The following TRPM8 variants were observed in gnomAD, a reference collection of about 807,000 sequenced individuals.
TRPM8 encodes the protein transient receptor potential cation channel subfamily M member 8, also known as TRPM8 cationic channel.
TRPM8 carries 110 observed loss-of-function variants against 133.7 expected under a neutral mutation model. The observed-to-expected ratio is 0.82, with a 90% CI of 0.70 to 0.96. The LOEUF (loss-of-function observed/expected upper bound fraction) is 0.96. Among genes scored for constraint, TRPM8 ranks in the 40% least tolerant of loss-of-function variants. The pLI is 0.00. For missense variants in TRPM8, 1,291 were observed against 1,379.5 expected (o/e 0.94, Z 1.02); for synonymous variants, 535 against 532.3 (o/e 1.01, Z -0.07).
chr2:233,992,976 A>G (rs1692318146), intron 21 of TRPM8, among the ~76,000 whole-genome samples: 1 of 152,212 alleles, frequency 6.6e-6, no homozygotes, highest in Non-Finnish European at 1.5e-5. Context: ...GCATCGCTCC[A>G]TTAGGAGCCC....
rs1302230947 is a variant in TRPM8 at position 233,989,452 on chromosome 2, A to G, written c.2939+3587A>G. On this transcript the variant is annotated intron_variant, in intron 21 of 25. Transcript: ENST00000324695. The surrounding 1 kb of genome is among the most constrained non-coding windows in gnomAD (Gnocchi z 4.2). ...GAACCTCCTCGATTAGCTCCGGCTT[A>G]AACCAGAGGCCTTTTCCTGGCTAAT... Among the ~76,000 whole-genome samples, 1 of 152,206 alleles carries G rather than the reference A, an allele frequency of 6.6e-6. No homozygotes were observed. Among genetic ancestry groups the G allele is most frequent in the Non-Finnish European group, 1.5e-5 (1 of 68,034 alleles).
chr2:233,985,954 A>G (rs574653799), intron 21 of TRPM8, 89 bp downstream of exon 21: 2 of 1,246,378 alleles, frequency 1.6e-6, no homozygotes, highest in East Asian at 5.1e-5. Context: ...CAAAGGTCCC[A>G]CCCTTGAGGA....
intron 20 of TRPM8, among the ~76,000 whole-genome samples, chr2:233,985,221 A>C (rs1052134141): frequency 3.9e-5 from 6 of 152,064 alleles, no homozygotes; most frequent in Admixed American, 2.0e-4. Flanking sequence ...TAGGCTCCCA[A>C]CCTCCCCATT....
At position 233,938,318 on chromosome 2, in the gene TRPM8, C is replaced by T. The variant is rs181556214; in HGVS notation, c.349-680C>T. On this transcript the variant is annotated intron_variant, in intron 4 of 25. Coordinates refer to ENST00000324695, the MANE Select transcript of TRPM8 (RefSeq NM_024080.5). ...CTCGCCTGTGGGGCTTTTCAGGGCCCGTGCAGCACCCCCACTCCCCCCAGT... is the reference window on the plus strand; with the variant it reads ...CTCGCCTGTGGGGCTTTTCAGGGCCTGTGCAGCACCCCCACTCCCCCCAGT... Among the ~76,000 whole-genome samples the T allele has an allele frequency of 1.9e-3, 292 of 152,304 alleles. 2 individuals carry two copies. In the Middle Eastern group the frequency reaches 0.02, roughly 11 times the overall value.
In TRPM8 at chr2:233,953,955, T is replaced by C. The variant is rs149222526; in HGVS notation, c.1179T>C (p.Val393=). ...EILECSHLLT[V]IKMEEAGDEI... Reference sequence around the variant, plus strand: ...TCGAATGTTCTCACCTATTAACAGTTATTAAAATGGAAGAAGCTGGGGATG... The same window carrying C: ...TCGAATGTTCTCACCTATTAACAGTCATTAAAATGGAAGAAGCTGGGGATG... Residue 393 remains valine (V), a synonymous_variant, in exon 10 of 26, where the codon GTT becomes GTC. Transcript: ENST00000324695. The C allele has an allele frequency of 1.9e-6, 3 of 1,614,060 alleles. No individual in the cohort carries two copies. In the African/African-American group the frequency reaches 4.0e-5, roughly 22 times the overall value.
Position 233,939,085 on chromosome 2 carries a change from A to G in TRPM8, c.436A>G (p.Ile146Val), listed in dbSNP as rs1690835349. The part of the protein sequence containing the change: ...HWHLKTPNLV[I>V]SVTGGAKNFA... ...GCACCTGAAAACACCCAACCTGGTC[A>G]TTTCTGTGACCGGGGGCGCCAAGAA... Residue 146 changes from isoleucine (I) to valine (V), a missense_variant, in exon 5 of 26, where the codon ATT becomes GTT. Physicochemically the swap from Ile to Val is conservative, Grantham distance 29 (BLOSUM62 3). Transcript: ENST00000324695. 8.7e-6 allele frequency: 14 copies of G among 1,614,042 alleles called. No individual in the cohort carries two copies. The highest frequency in any genetic ancestry group is 1.2e-5 in the Non-Finnish European group (14 of 1,180,048).
At chr2:233,991,345 T>C (rs1049904088) in intron 21 of TRPM8, among the ~76,000 whole-genome samples, 1 of 152,240 alleles carries the variant, frequency 6.6e-6, no homozygotes, top group Non-Finnish European at 1.5e-5. Context: ...TTGTCATCTC[T>C]TACTGCTGGC....
chr2:233,965,551 C>T (rs915286966), intron 14 of TRPM8, among the ~76,000 whole-genome samples: 2 of 152,172 alleles, frequency 1.3e-5, no homozygotes, highest in African/African-American at 4.8e-5. Flanking sequence ...CAGGCCTGCT[C>T]AGTTTTTTCC....
At chr2:233,936,549 C>A (rs993580106) in intron 3 of TRPM8, among the ~76,000 whole-genome samples, 1 of 152,222 alleles carries the variant, frequency 6.6e-6, no homozygotes, top group African/African-American at 2.4e-5. Context: ...GAGTCTGGAA[C>A]ATTTTGGGTC....
intron 20 of TRPM8, among the ~76,000 whole-genome samples, chr2:233,984,329 C>A (rs73120778): frequency 0.042 from 6,407 of 152,156 alleles, 394 homozygotes; most frequent in African/African-American, 0.14. Flanking sequence ...ACGTTTGTAC[C>A]CACTGCCCCC....
intron 22 of TRPM8, among the ~76,000 whole-genome samples, chr2:233,999,964 A>G (rs11563029): frequency 0.031 from 4,749 of 152,242 alleles, 261 homozygotes; most frequent in African/African-American, 0.11. Flanking sequence ...ATTTTCTGTT[A>G]CTACTGTTCC....
At position 233,946,321 on chromosome 2, in the gene TRPM8, A is replaced by G. The variant is rs1310075505; in HGVS notation, c.874+291A>G. 3 of 289,954 alleles carry G rather than the reference A, an allele frequency of 1.0e-5. No homozygotes were observed. The Admixed American group carries it at 1.4e-4, about 13-fold the overall frequency. The allele number at this position is 289,954 out of a possible 1,614,324, so 18.0% of individuals were successfully genotyped here. A position where few individuals can be genotyped will look rare whatever the true frequency, so the allele number is the denominator to read the frequency against. On this transcript the variant is annotated intron_variant, in intron 7 of 25. Coordinates refer to ENST00000324695, the MANE Select transcript of TRPM8 (RefSeq NM_024080.5). ...TGGCTGTCTTCTTCTGGTAGATACC[A>G]TTTAAGAACAAATACGATCTACAAT...
At chr2:233,969,649 A>C (rs1691659068) in intron 15 of TRPM8, 46 bp from the exon 16 acceptor site, 1 of 1,191,762 alleles carries the variant, frequency 8.4e-7, no homozygotes, top group Admixed American at 1.7e-5. Flanking sequence ...TCCTGCATAC[A>C]ATTGTGTTAA....
At chr2:233,936,123 T>C (rs1690728327) in intron 3 of TRPM8, among the ~76,000 whole-genome samples, 1 of 152,130 alleles carries the variant, frequency 6.6e-6, no homozygotes, top group African/African-American at 2.4e-5. Flanking sequence ...GGGGAGGGGC[T>C]GTGCGAGAGT....
At chr2:233,937,256 G>T in intron 3 of TRPM8, 97 bp from the exon 4 acceptor site, 1 of 1,426,458 alleles carries the variant, frequency 7.0e-7, no homozygotes, top group Non-Finnish European at 9.6e-7. Context: ...AAGACTTGAA[G>T]GTATCCTTTG....
chr2:233,973,900 C>T (rs575244245), intron 17 of TRPM8, among the ~76,000 whole-genome samples: 7 of 152,304 alleles, frequency 4.6e-5, no homozygotes, highest in Non-Finnish European at 7.3e-5. Context: ...AGCCACGGTG[C>T]GGGAGCTCAC....
rs1235960120 is a variant in TRPM8, at chr2:233,927,944, C to T, written c.117+1290C>T. ...TCTCTTTCTCTCTCTCTCTCTCTCT[C>T]TCTCTCTCTCTCTCTCTTTCTTTCT... On this transcript the variant is annotated intron_variant, in intron 2 of 25. Transcript: ENST00000324695. 1.0e-3 allele frequency among the ~76,000 whole-genome samples: 75 copies of T among 73,458 alleles called. 9 individuals carry two copies. The highest frequency in any genetic ancestry group is 7.3e-3 in the African/African-American group (70 of 9,608). 48.2% of individuals were successfully genotyped at this position (73,458 alleles called of 152,430 possible).
At chr2:233,978,837 T>C (rs982735007) in intron 17 of TRPM8, among the ~76,000 whole-genome samples, 1 of 152,188 alleles carries the variant, frequency 6.6e-6, no homozygotes, top group Admixed American at 6.5e-5. Context: ...CCTGGGTGCT[T>C]GATTTCATAG....
At chr2:233,960,732 A>G in intron 11 of TRPM8, 44 bp from the exon 12 acceptor site, 1 of 1,545,562 alleles carries the variant, frequency 6.5e-7, no homozygotes, top group Non-Finnish European at 8.9e-7. Context: ...TCCTTACCAT[A>G]TTTTTATAGT....
Sources: allele counts gnomAD v4.1 joint callset (sites outside exome capture counted in the v4.1 genomes callset), GRCh38; gene constraint gnomAD v4.1.1; non-coding constraint Gnocchi (gnomAD v3.1); transcripts MANE v1.5; gene names NCBI Gene and HGNC (gene_info 2026-07-23, HGNC 2026-07-21).